The following PLEKHG4B variants were observed in gnomAD, a reference collection of about 807,000 sequenced individuals.
PLEKHG4B encodes pleckstrin homology and RhoGEF domain containing G4B, also known as pleckstrin homology domain-containing family G member 4B.
In PLEKHG4B, 111 loss-of-function variants were observed where a neutral mutation model predicts 121.3. The ratio of observed to expected loss-of-function variants is 0.92; its 90% confidence interval spans 0.78 to 1.07. PLEKHG4B has a LOEUF of 1.07. Among genes scored for constraint, PLEKHG4B ranks in the 50% least tolerant of loss-of-function variants. The pLI, the probability that PLEKHG4B is intolerant of heterozygous loss-of-function variation, is 0.00. For synonymous variants in PLEKHG4B, 738 were observed against 725.0 expected (o/e 1.02, Z -0.29); for missense variants, 1,831 against 1,757.8 (o/e 1.04, Z -0.74).
intron 13 of PLEKHG4B, among the ~76,000 whole-genome samples, chr5:167,033 G>T (rs1284340895): frequency 6.6e-6 from 1 of 152,200 alleles, no homozygotes; most frequent in Non-Finnish European, 1.5e-5. Context: ...GGGGGCAGCA[G>T]AACACAGGAA....
intron 7 of PLEKHG4B, among the ~76,000 whole-genome samples, chr5:152,217 T>TC (rs1735629524): frequency 6.6e-6 from 1 of 151,824 alleles, no homozygotes; most frequent in African/African-American, 2.4e-5. Context: ...TTTTTTTTTT[T>TC]TTTCCTTTCC....
intron 7 of PLEKHG4B, among the ~76,000 whole-genome samples, chr5:153,363 A>AT (rs1478179760): frequency 1.2e-4 from 18 of 152,152 alleles, no homozygotes; most frequent in Non-Finnish European, 2.4e-4. Context: ...CATTGTGAAT[A>AT]TTCTGCTGGG....
In PLEKHG4B at chr5:154,256, G is replaced by T. The variant is rs577557306; in HGVS notation, c.1993-619G>T. On this transcript the variant is annotated intron_variant, in intron 7 of 19. Coordinates refer to ENST00000637938, the MANE Select transcript of PLEKHG4B (RefSeq NM_052909.5). Reference sequence around the variant, plus strand: ...CCTGACCTCATTATCCGCCTGCCTCGGCCTCCCAAAGTGCTTGGATTACAG... The same window carrying T: ...CCTGACCTCATTATCCGCCTGCCTCTGCCTCCCAAAGTGCTTGGATTACAG... 1.8e-4 allele frequency among the ~76,000 whole-genome samples: 27 copies of T among 152,230 alleles called. No individual in the cohort carries two copies. The East Asian group carries it at 5.2e-3, about 29-fold the overall frequency.
intron 3 of PLEKHG4B, among the ~76,000 whole-genome samples, chr5:142,011 C>T (rs949154033): frequency 6.6e-6 from 1 of 152,182 alleles, no homozygotes; most frequent in South Asian, 2.1e-4. Flanking sequence ...AGCCACCTCA[C>T]GAGAGCCTTT....
intron 1 of PLEKHG4B, among the ~76,000 whole-genome samples, chr5:108,416 A>G (rs1475837212): frequency 6.6e-6 from 1 of 152,240 alleles, no homozygotes; most frequent in Non-Finnish European, 1.5e-5. Context: ...GAGAGGGTCA[A>G]GAATCCAAAA....
At chr5:114,132 C>G (rs1365937236) in intron 2 of PLEKHG4B, among the ~76,000 whole-genome samples, 1 of 152,134 alleles carries the variant, frequency 6.6e-6, no homozygotes, top group Admixed American at 6.5e-5. Flanking sequence ...GTCATAATCT[C>G]TTTATTGGTG....
chr5:156,778 C>A lies in PLEKHG4B; in HGVS notation c.2354C>A (p.Thr785Asn). Residue 785 changes from threonine (T) to asparagine (N), a missense_variant, in exon 11 of 20, where the codon ACC (threonine) becomes AAC (asparagine). Physicochemically the swap from Thr to Asn is moderately conservative, Grantham distance 65. Transcript: ENST00000637938. The surrounding 1 kb of genome is among the most constrained non-coding windows in gnomAD (Gnocchi z 4.4). ...EELGTEDSRD[T>N]LEAATSLYDR... ...GACTGCCTTCTCTTCCTCAGGGACA[C>A]CCTGGAGGCCGCCACAAGCCTGTAC... 1.3e-6 allele frequency: 2 copies of A among 1,553,838 alleles called. No homozygotes were observed. The highest frequency in any genetic ancestry group is 8.7e-7 in the Non-Finnish European group (1 of 1,148,714).
intron 3 of PLEKHG4B, among the ~76,000 whole-genome samples, chr5:142,045 G>T (rs1579281396): frequency 6.6e-6 from 1 of 152,166 alleles, no homozygotes; most frequent in Non-Finnish European, 1.5e-5. Context: ...AGGCTGCTGT[G>T]CCTGGAACTT....
At chr5:148,122 TA>T (rs1244121741) in intron 6 of PLEKHG4B, among the ~76,000 whole-genome samples, 1 of 152,006 alleles carries the variant, frequency 6.6e-6, no homozygotes, top group Non-Finnish European at 1.5e-5. Flanking sequence ...GCAAATATCA[TA>T]CTCAATGGCA....
chr5:178,998 T>C (rs991256107), intron 18 of PLEKHG4B, among the ~76,000 whole-genome samples: 3 of 152,272 alleles, frequency 2.0e-5, no homozygotes, highest in Non-Finnish European at 2.9e-5. Flanking sequence ...TAATTGCTTT[T>C]TGTTCAAATA....
At chr5:117,127 T>C (rs1467806568) in intron 2 of PLEKHG4B, among the ~76,000 whole-genome samples, 1 of 152,208 alleles carries the variant, frequency 6.6e-6, no homozygotes, top group African/African-American at 2.4e-5. Flanking sequence ...GGTACTTTAA[T>C]ATGGATGCAT....
chr5:160,292 T>C (rs1735950700), intron 11 of PLEKHG4B, among the ~76,000 whole-genome samples: 1 of 152,228 alleles, frequency 6.6e-6, no homozygotes, highest in African/African-American at 2.4e-5. Context: ...AAACTCCCCA[T>C]GTTGAACATC....
rs1284848029 is a variant in PLEKHG4B, at chr5:94,551, AG to A, written c.45+2280del. 3.8e-5 allele frequency among the ~76,000 whole-genome samples: 5 copies of A among 132,830 alleles called. No homozygotes were observed. In the East Asian group the frequency reaches 8.5e-4, roughly 23 times the overall value. The allele number at this position is 132,830 out of a possible 152,430, so 87.1% of individuals were successfully genotyped here. A position where few individuals can be genotyped will look rare whatever the true frequency, so the allele number is the denominator to read the frequency against. ...TGGTTCTGGGCCTGGGAATCTGGGCAGGGGGAGAGTGAAGAGGGGTAGGCTG... is the reference window on the plus strand; with the variant it reads ...TGGTTCTGGGCCTGGGAATCTGGGCAGGGGAGAGTGAAGAGGGGTAGGCTG... On this transcript the variant is annotated intron_variant, in intron 1 of 19. Coordinates refer to ENST00000637938, the MANE Select transcript of PLEKHG4B (RefSeq NM_052909.5).
At chr5:115,329 T>C (rs747192540) in intron 2 of PLEKHG4B, among the ~76,000 whole-genome samples, 4 of 152,214 alleles carry the variant, frequency 2.6e-5, no homozygotes, top group Non-Finnish European at 4.4e-5. Flanking sequence ...TAAACAGACG[T>C]GCTGTCATCC....
chr5:99,170 GTATATATATATATATATATATATATA>G (rs534174768), intron 1 of PLEKHG4B, among the ~76,000 whole-genome samples: 12 of 100,500 alleles, frequency 1.2e-4, no homozygotes, highest in South Asian at 7.2e-4. Context: ...AAAAAAAAGT[GTATATATATATATATATATATATATA>G]TATATATATA....
At chr5:110,007 A>C (rs1426554875) in intron 1 of PLEKHG4B, among the ~76,000 whole-genome samples, 10 of 137,566 alleles carry the variant, frequency 7.3e-5, no homozygotes, top group African/African-American at 1.6e-4. Context: ...TACACCCACA[A>C]AATCTGTAAC....
intron 1 of PLEKHG4B, among the ~76,000 whole-genome samples, chr5:98,764 C>A (rs138405902): frequency 1.3e-5 from 2 of 148,272 alleles, no homozygotes; most frequent in Admixed American, 6.7e-5. Context: ...TGAGCCACCC[C>A]GCCCGGCCGA....
Position 162,777 on chromosome 5 carries a change from CTGAG to C in PLEKHG4B, c.2708_2711del (p.Glu903ValfsTer2), listed in dbSNP as rs2126437207. On this transcript the variant is annotated frameshift_variant, in exon 13 of 20. Coordinates refer to ENST00000637938, the MANE Select transcript of PLEKHG4B (RefSeq NM_052909.5). LOFTEE classifies it high-confidence loss of function. ...GAGGCTTGTCCCTCCTCACCCGTGG[CTGAG>C]TGTTTGAGGAGCTGTCACCAGGAGG... 1 of 1,483,640 alleles carries C rather than the reference CTGAG, an allele frequency of 6.7e-7. No individual in the cohort carries two copies. Among genetic ancestry groups the C allele is most frequent in the African/African-American group, 1.4e-5 (1 of 70,770 alleles). 91.9% of individuals were successfully genotyped at this position (1,483,640 alleles called of 1,614,324 possible).
intron 2 of PLEKHG4B, among the ~76,000 whole-genome samples, chr5:138,240 C>T (rs1295208007): frequency 1.3e-5 from 2 of 152,218 alleles, no homozygotes; most frequent in Non-Finnish European, 2.9e-5. Context: ...AGGTTATTTT[C>T]TGAAATGAGG....
Sources: allele counts gnomAD v4.1 joint callset (sites outside exome capture counted in the v4.1 genomes callset), GRCh38; gene constraint gnomAD v4.1.1; non-coding constraint Gnocchi (gnomAD v3.1); transcripts MANE v1.5; gene names NCBI Gene and HGNC (gene_info 2026-07-23, HGNC 2026-07-21).